VPS51: variants seen among roughly 807,000 people sequenced by gnomAD.
VPS51 encodes vacuolar protein sorting-associated protein 51 homolog.
In VPS51, 55 loss-of-function variants were observed where a neutral mutation model predicts 65.1. The ratio of observed to expected loss-of-function variants is 0.84; its 90% confidence interval spans 0.68 to 1.06. The LOEUF (loss-of-function observed/expected upper bound fraction) is 1.06. VPS51 is among the 50% of genes least tolerant of loss of function. VPS51 has a pLI of 0.00. For missense variants in VPS51, 943 were observed against 1,101.6 expected (o/e 0.86, Z 2.04); for synonymous variants, 473 against 489.5 (o/e 0.97, Z 0.44).
Position 65,096,256 on chromosome 11 carries a change from G to T in VPS51, c.6G>T (p.Ala2=). The change falls in exon 1 of 10, where the codon GCG becomes GCT. Residue 2 remains alanine (A), a synonymous_variant. Transcript: ENST00000279281. The part of the protein sequence containing the change: M[A]AAAAAGPSPG... ...CGTGGGCTGCAGTTGGAACGATGGC[G>T]GCGGCAGCTGCCGCCGGGCCTAGCC... 6.6e-7 allele frequency: 1 copy of T among 1,522,332 alleles called. No individual in the cohort carries two copies. The highest frequency in any genetic ancestry group is 8.8e-7 in the Non-Finnish European group (1 of 1,138,834). The allele number at this position is 1,522,332 out of a possible 1,614,324, so 94.3% of individuals were successfully genotyped here. A position where few individuals can be genotyped will look rare whatever the true frequency, so the allele number is the denominator to read the frequency against.
rs532265714 is a variant in VPS51 at position 65,110,313 on chromosome 11, C to T, written c.1879-169C>T. 4.8e-5 allele frequency: 57 copies of T among 1,192,716 alleles called. No individual in the cohort carries two copies. In the South Asian group the frequency reaches 7.9e-4, roughly 17 times the overall value. 73.9% of individuals were successfully genotyped at this position (1,192,716 alleles called of 1,614,324 possible). A position where few individuals can be genotyped will look rare whatever the true frequency, so the allele number is the denominator to read the frequency against. On this transcript the variant is annotated intron_variant, in intron 7 of 9. Transcript: ENST00000279281. ...CTTGTATCCTGCCTTTGCCCCACTC[C>T]ACTGGTTCTATAAATAGCGACCATG...
intron 9 of VPS51, 155 bp from the exon 10 acceptor site, chr11:65,111,172 A>C: frequency 2.7e-6 from 3 of 1,124,710 alleles, no homozygotes; most frequent in Non-Finnish European, 3.9e-6. Context: ...TGACGGCGCT[A>C]ATATTGTATC....
At chr11:65,101,779 A>G (rs1408651493) in intron 2 of VPS51, among the ~76,000 whole-genome samples, 4 of 149,318 alleles carry the variant, frequency 2.7e-5, no homozygotes, top group Non-Finnish European at 5.9e-5. Flanking sequence ...AAAAAAAAAA[A>G]AAAAAAAAAA....
rs1328083931 is a variant in VPS51, at chr11:65,097,032, A to C, written c.263A>C (p.Asp88Ala). Residue 88 changes from aspartate to alanine, a missense_variant, in exon 2 of 10, where the codon GAC (aspartate) becomes GCC (alanine). This residue lies in a region of VPS51 where 855 missense variants were observed against 953.7 expected (regional missense o/e 0.90). Transcript: ENST00000279281. ...GAGTGCCCTCTGGCCCAGTTGATGG[A>C]CAGTGAGACGGACATGGTGCGGCAG... ...RRECPLAQLM[D>A]SETDMVRQIR... The C allele has an allele frequency of 6.2e-7, 1 of 1,613,876 alleles. No individual in the cohort carries two copies. Among genetic ancestry groups the C allele is most frequent in the Non-Finnish European group, 8.5e-7 (1 of 1,180,044 alleles).
chr11:65,096,866 C>G, intron 1 of VPS51, 132 bp from the exon 2 acceptor site: 1 of 1,399,592 alleles, frequency 7.1e-7, no homozygotes, highest in African/African-American at 1.4e-5. Flanking sequence ...CCTGGGATTC[C>G]TGACAGCCGG....
chr11:65,098,874 AG>A (rs1224907572), intron 2 of VPS51, among the ~76,000 whole-genome samples: 2 of 152,224 alleles, frequency 1.3e-5, no homozygotes, highest in East Asian at 3.8e-4. Context: ...GAGGATAACC[AG>A]GAGCATTGAT....
intron 2 of VPS51, among the ~76,000 whole-genome samples, chr11:65,106,855 A>C (rs1947845373): frequency 1.3e-5 from 2 of 152,012 alleles, no homozygotes; most frequent in Middle Eastern, 6.9e-3. Context: ...AGGTGACAGG[A>C]GGAGGAGAAG....
In VPS51 at chr11:65,108,699, CA is replaced by C; in HGVS notation, c.1229del (p.His410ProfsTer13). 6.2e-7 allele frequency: 1 copy of C among 1,602,290 alleles called. No homozygotes were observed. The highest frequency in any genetic ancestry group is 8.5e-7 in the Non-Finnish European group (1 of 1,177,150). Reference protein sequence around the residue: ...ERVARERLGHHLQGLRAAFLG... With the variant: ...ERVARERLGHXLQGLRAAFLG... ...AGTGGCCCGCGAGCGCCTGGGCCAC[CA>C]CCTGCAGGGTCTCCGGGCGGCCTTC... On this transcript the variant is annotated frameshift_variant, in exon 5 of 10. Transcript: ENST00000279281. LOFTEE classifies it high-confidence loss of function.
Position 65,108,558 on chromosome 11 carries a change from G to A in VPS51, c.1087G>A (p.Gly363Ser). 6.4e-7 allele frequency: 1 copy of A among 1,565,928 alleles called. No individual in the cohort carries two copies. The highest frequency in any genetic ancestry group is 8.6e-7 in the Non-Finnish European group (1 of 1,163,074). Residue 363 changes from glycine (G) to serine (S), a missense_variant, in exon 5 of 10, where the codon GGT (glycine) becomes AGT (serine). Physicochemically the swap from Gly to Ser is moderately conservative, Grantham distance 56 (BLOSUM62 0). This residue lies in a region of VPS51 where 855 missense variants were observed against 953.7 expected (regional missense o/e 0.90). Transcript: ENST00000279281. ...ERRLAQEQGG[G>S]DNSLLVRALD... ...GCGGCTGGCGCAGGAGCAGGGTGGT[G>A]GTGACAACTCACTGCTGGTGCGGGC...
rs758667790 is a variant in VPS51, at chr11:65,108,203, C to T, written c.732C>T (p.Gly244=). The part of the protein sequence containing the change: ...AQQLRQRFRE[G]GSGAPEQAEC... ...CTACCTCTCCCTCGTGCAGGGAGGG[C>T]GGCTCAGGCGCCCCGGAGCAGGCAG... The change falls in exon 5 of 10, where the codon GGC becomes GGT. Residue 244 remains glycine (G), a synonymous_variant. Transcript: ENST00000279281. The T allele has an allele frequency of 2.3e-5, 36 of 1,599,748 alleles. No homozygotes were observed. In the South Asian group the frequency reaches 3.0e-4, roughly 13 times the overall value.
At chr11:65,101,403 A>G (rs1446861418) in intron 2 of VPS51, among the ~76,000 whole-genome samples, 1 of 152,186 alleles carries the variant, frequency 6.6e-6, no homozygotes, top group Non-Finnish European at 1.5e-5. Context: ...AACATTATAC[A>G]GGGAAAAGCC....
At chr11:65,110,296 C>T in intron 7 of VPS51, 186 bp from the exon 8 acceptor site, 1 of 1,026,134 alleles carries the variant, frequency 9.7e-7, no homozygotes, top group Non-Finnish European at 1.5e-6. Flanking sequence ...CTCTTGTATC[C>T]TGCCTTTGCC....
In VPS51 at chr11:65,108,798, G is replaced by A. The variant is rs771110751; in HGVS notation, c.1327G>A (p.Ala443Thr). The change falls in exon 5 of 10, where the codon GCC (alanine) becomes ACC (threonine). Residue 443 changes from alanine (A) to threonine (T), a missense_variant. Physicochemically the swap from Ala to Thr is moderately conservative, Grantham distance 58. This residue lies in a region of VPS51 where 855 missense variants were observed against 953.7 expected (regional missense o/e 0.90). Transcript: ENST00000279281. ...RVAGKEGPGL[A>T]ELLANVASSI... ...GGCTGGGAAGGAGGGCCCTGGCCTG[G>A]CCGAGTTGCTGGCCAATGTGGCCAG... 1.9e-6 allele frequency: 3 copies of A among 1,612,846 alleles called. No individual in the cohort carries two copies. The highest frequency in any genetic ancestry group is 2.5e-6 in the Non-Finnish European group (3 of 1,179,974).
chr11:65,107,145 G>A lies in VPS51; in HGVS notation c.359-436G>A. 1 of 460,356 alleles carries A rather than the reference G, an allele frequency of 2.2e-6. No individual in the cohort carries two copies. The highest frequency in any genetic ancestry group is 2.3e-5 in the Admixed American group (1 of 42,682). 28.5% of individuals were successfully genotyped at this position (460,356 alleles called of 1,614,324 possible). ...CATGTGAAAGGCTTTGGGAGGTCTG[G>A]AAAGGAGATGAGGGTCAACAAGAAT... is the stretch of plus-strand genomic sequence containing the variant. On this transcript the variant is annotated intron_variant, in intron 2 of 9. Coordinates refer to ENST00000279281, the MANE Select transcript of VPS51 (RefSeq NM_013265.4). The surrounding 1 kb of genome is among the most constrained non-coding windows in gnomAD (Gnocchi z 4.0).
In VPS51 at chr11:65,110,509, C is replaced by A; in HGVS notation, c.1906C>A (p.Arg636Ser). The change falls in exon 8 of 10, where the codon CGC becomes AGC. Residue 636 changes from arginine (R) to serine (S), a missense_variant. Arg to Ser is a moderately radical substitution (Grantham distance 110). This residue lies in a region of VPS51 where 855 missense variants were observed against 953.7 expected (regional missense o/e 0.90). Transcript: ENST00000279281. ...GGGGCTCCTGTACGAAGAGGGTGTT[C>A]GCAAGGCCCAGAGCAGCGACTCCAG... Reference protein sequence around the residue: ...QVGLLYEEGVRKAQSSDSSKR... With the variant: ...QVGLLYEEGVSKAQSSDSSKR... 1 of 1,613,900 alleles carries A rather than the reference C, an allele frequency of 6.2e-7. No individual in the cohort carries two copies. The highest frequency in any genetic ancestry group is 8.5e-7 in the Non-Finnish European group (1 of 1,180,000).
intron 2 of VPS51, among the ~76,000 whole-genome samples, chr11:65,097,454 A>G (rs555189983): frequency 4.5e-4 from 69 of 152,272 alleles, no homozygotes; most frequent in Non-Finnish European, 8.1e-4. Context: ...TCGACATCCC[A>G]GGCTCATGTG....
Position 65,107,795 on chromosome 11 carries a change from TC to T in VPS51, c.506-3del, listed in dbSNP as rs1947853207. On this transcript the variant is annotated splice_polypyrimidine_tract_variant and splice_region_variant and intron_variant, in intron 3 of 9. Transcript: ENST00000279281. The surrounding 1 kb of genome is among the most constrained non-coding windows in gnomAD (Gnocchi z 4.0). ...GCTCTGGGGCTAACGTCACCCTCCG[TC>T]CCCCAGGGGTCCACGCGCTGCTGCG... is the stretch of plus-strand genomic sequence containing the variant. The T allele has an allele frequency of 5.0e-6, 8 of 1,593,676 alleles. No individual in the cohort carries two copies. The highest frequency in any genetic ancestry group is 6.8e-6 in the Non-Finnish European group (8 of 1,171,754).
chr11:65,107,670 A>G lies in VPS51; in HGVS notation c.448A>G (p.Ser150Gly). ...CAACATGGCAGTGATCACCGACTTC[A>G]GCGCTCGCATCAGCGCCACGCTGCA... ...ATNMAVITDF[S>G]ARISATLQDR... The change falls in exon 3 of 10, where the codon AGC becomes GGC. Residue 150 changes from serine (S) to glycine (G), a missense_variant. Ser to Gly is a moderately conservative substitution (Grantham distance 56). Around this residue, in one of 2 missense-constraint regions of VPS51, gnomAD observed 855 missense variants for 953.7 expected, o/e 0.90. Coordinates refer to ENST00000279281, the MANE Select transcript of VPS51 (RefSeq NM_013265.4). This position sits in a 1 kb window ranked among gnomAD's most constrained non-coding sequence, Gnocchi z 4.0. 1.9e-6 allele frequency: 3 copies of G among 1,610,250 alleles called. No homozygotes were observed. The highest frequency in any genetic ancestry group is 2.5e-6 in the Non-Finnish European group (3 of 1,177,430).
chr11:65,099,134 G>A lies in VPS51; in HGVS notation c.358+2007G>A, dbSNP rs556406967. On this transcript the variant is annotated intron_variant, in intron 2 of 9. Coordinates refer to ENST00000279281, the MANE Select transcript of VPS51 (RefSeq NM_013265.4). ...ACCCAGGAGGTGGAGGTTGCGTGAGGAAGGTGTTTCAAGACATAGATTTGA... is the reference window on the plus strand; with the variant it reads ...ACCCAGGAGGTGGAGGTTGCGTGAGAAAGGTGTTTCAAGACATAGATTTGA... Among the ~76,000 whole-genome samples the A allele has an allele frequency of 9.2e-5, 14 of 152,318 alleles. No homozygotes were observed. In the South Asian group the frequency reaches 2.9e-3, roughly 32 times the overall value.
Sources: allele counts gnomAD v4.1 joint callset (sites outside exome capture counted in the v4.1 genomes callset), GRCh38; gene constraint gnomAD v4.1.1; regional missense constraint gnomAD v4.1.1; non-coding constraint Gnocchi (gnomAD v3.1); transcripts MANE v1.5; gene names NCBI Gene and HGNC (gene_info 2026-07-23, HGNC 2026-07-21).